The following USP50 variants were observed in gnomAD, a reference collection of about 807,000 sequenced individuals.
USP50 encodes the protein ubiquitin carboxyl-terminal hydrolase 50.
A neutral mutation model predicts 39.2 loss-of-function variants in USP50; 37 were observed. The ratio of observed to expected loss-of-function variants is 0.94; its 90% CI spans 0.73 to 1.24. The LOEUF (loss-of-function observed/expected upper bound fraction) is 1.24, where lower values mean the gene tolerates loss of function less well. USP50 is among the 50% of genes most tolerant of loss of function. The pLI is 0.00. For synonymous variants in USP50, 139 were observed against 144.5 expected, an observed-to-expected ratio of 0.96 and a Z score of 0.27; for missense variants, 374 against 398.2, an observed-to-expected ratio of 0.94 and a Z score of 0.52.
Position 50,495,241 on chromosome 15 carries a change from TA to T in USP50, n.185-1112del, listed in dbSNP as rs1307927215. The stretch of plus-strand genomic sequence containing the variant: ...ACACAAAAATATTTGTGTATATATA[TA>T]TACGTGTATATATACATACATATAT... On this transcript the variant is annotated intron_variant and non_coding_transcript_variant, in intron 1 of 1. Transcript: ENST00000560159. Among the ~76,000 whole-genome samples the T allele has an allele frequency of 3.4e-5, 2 of 58,288 alleles. 1 individual carries two copies. Among genetic ancestry groups the T allele is most frequent in the African/African-American group, 9.8e-5 (2 of 20,426 alleles). The allele number at this position is 58,288 out of a possible 152,430, so 38.2% of individuals were successfully genotyped here.
chr15:50,545,281 T>C (rs1397334667), intron 1 of USP50, among the ~76,000 whole-genome samples: 1 of 152,024 alleles, frequency 6.6e-6, no homozygotes, highest in South Asian at 2.1e-4. Flanking sequence ...CCTGGCACTA[T>C]TTAAGTACTT....
intron 5 of USP50, among the ~76,000 whole-genome samples, chr15:50,530,968 G>T (rs1315518450): frequency 6.6e-6 from 1 of 151,848 alleles, no homozygotes; most frequent in Non-Finnish European, 1.5e-5. Flanking sequence ...GTTTTAATAA[G>T]AACATTTTGT....
chr15:50,500,987 C>CCTGA (rs2052575033), intron 6 of USP50, 150 bp from the exon 7 acceptor site: 5 of 641,290 alleles, frequency 7.8e-6, no homozygotes, highest in Non-Finnish European at 1.4e-5. Context: ...ATGCATATAG[C>CCTGA]CTGACTGCTA....
At chr15:50,505,915 G>A (rs1282918633) in intron 6 of USP50, 1 of 152,258 alleles carries the variant, frequency 6.6e-6, no homozygotes, top group Non-Finnish European at 1.5e-5. Flanking sequence ...ATGATTCATT[G>A]CACTAGTGCA....
At chr15:50,538,537 G>A (rs1476024316) in intron 5 of USP50, among the ~76,000 whole-genome samples, 172 bp downstream of exon 5, 2 of 152,014 alleles carry the variant, frequency 1.3e-5, no homozygotes, top group African/African-American at 4.8e-5. Context: ...TTGCTAAAAT[G>A]GCACAGTTTT....
intron 6 of USP50, chr15:50,501,715 A>C (rs1258554721): frequency 6.6e-6 from 1 of 152,162 alleles, no homozygotes; most frequent in Non-Finnish European, 1.5e-5. Context: ...AAGGCATTAG[A>C]GAGGTGTACT....
downstream of USP50, chr15:50,497,403 G>T (rs2052459008): frequency 1.6e-6 from 1 of 625,342 alleles, no homozygotes; most frequent in Non-Finnish European, 2.4e-6. Context: ...GTTCACCTCA[G>T]TGTTTTCAGT....
intron 1 of USP50, among the ~76,000 whole-genome samples, chr15:50,545,504 CATATATTAAGATTGTCTAT>C (rs1388176095): frequency 2.6e-5 from 4 of 151,240 alleles, no homozygotes; most frequent in Non-Finnish European, 4.4e-5. Context: ...TTTGGATTTA[CATATATTAAGATTGTCTAT>C]ATATATTAAG....
chr15:50,494,152 T>C (rs1566889884), intron 1 of USP50: 2 of 1,613,108 alleles, frequency 1.2e-6, no homozygotes, highest in Admixed American at 1.7e-5. Flanking sequence ...ACAGTATAGA[T>C]ATATCAGTCC....
At chr15:50,540,621 T>A (rs1475911491) in intron 4 of USP50, among the ~76,000 whole-genome samples, 1 of 152,118 alleles carries the variant, frequency 6.6e-6, no homozygotes, top group Non-Finnish European at 1.5e-5. Flanking sequence ...CTCTTTCTTT[T>A]ATTTATTTAT....
At chr15:50,496,960 G>A, downstream of USP50, 2 of 1,200,266 alleles carry the variant, frequency 1.7e-6, no homozygotes, top group Non-Finnish European at 2.3e-6. Context: ...CTTTGGGAAG[G>A]CAGGAACTCT....
intron 6 of USP50, among the ~76,000 whole-genome samples, chr15:50,522,117 A>C (rs1381643702): frequency 1.3e-5 from 2 of 152,134 alleles, no homozygotes; most frequent in Admixed American, 1.3e-4. Context: ...CTAAGACTGA[A>C]TTATGGAGAA....
At chr15:50,522,203 T>G (rs2052856171) in intron 6 of USP50, among the ~76,000 whole-genome samples, 1 of 151,588 alleles carries the variant, frequency 6.6e-6, no homozygotes, top group African/African-American at 2.4e-5. Context: ...AGTGGGTGGC[T>G]TGATTGAGCC....
chr15:50,543,513 A>T (rs1427336954), intron 3 of USP50, 85 bp downstream of exon 3: 2 of 1,324,048 alleles, frequency 1.5e-6, no homozygotes, highest in Non-Finnish European at 2.1e-6. Flanking sequence ...AGACAATATT[A>T]ATTGAACAAG....
intron 6 of USP50, among the ~76,000 whole-genome samples, chr15:50,525,216 T>C (rs2052878946): frequency 6.6e-6 from 1 of 152,272 alleles, no homozygotes; most frequent in Non-Finnish European, 1.5e-5. Flanking sequence ...TGGAATCTAT[T>C]GAACTCACTG....
chr15:50,493,603 G>C, downstream of USP50: 1 of 446,652 alleles, frequency 2.2e-6, no homozygotes, highest in Admixed American at 2.5e-5. Flanking sequence ...AAATTAGCTA[G>C]GTGTGGTGAT....
intron 1 of USP50, among the ~76,000 whole-genome samples, chr15:50,545,270 G>T (rs2053062421): frequency 6.6e-6 from 1 of 151,864 alleles, no homozygotes; most frequent in Admixed American, 6.6e-5. Context: ...CAGGTAGTGA[G>T]CCTGGCACTA....
At chr15:50,498,783 T>C, downstream of USP50, 2 of 1,562,498 alleles carry the variant, frequency 1.3e-6, no homozygotes, top group Non-Finnish European at 1.7e-6. Context: ...TTAAAAAAAG[T>C]TTTAAGTGGT....
intron 1 of USP50, among the ~76,000 whole-genome samples, chr15:50,495,128 ACTT>A (rs1467108037): frequency 6.6e-6 from 1 of 151,812 alleles, no homozygotes; most frequent in African/African-American, 2.4e-5. Flanking sequence ...ACATACTACA[ACTT>A]CTTTTTAGCA....
Sources: gnomAD v4.1 joint callset for allele counts (sites outside exome capture counted in the v4.1 genomes callset) on GRCh38, gnomAD v4.1.1 for gene constraint, MANE v1.5 for transcripts, NCBI Gene and HGNC (gene_info 2026-07-23, HGNC 2026-07-21) for gene names.